The following PEPD variants were observed in gnomAD, a reference collection of about 807,000 sequenced individuals.
PEPD encodes peptidase D, also known as xaa-Pro dipeptidase.
Under a neutral mutation model 60.7 loss-of-function variants are expected in PEPD, and 53 were observed. The observed-to-expected ratio is 0.87, with a 90% CI of 0.70 to 1.10. PEPD has a LOEUF of 1.10. Ranked by LOEUF, PEPD falls within the 50% of genes least tolerant of loss-of-function variation. The probability of loss-of-function intolerance (pLI) is 0.00; values close to 1 mark genes in which losing one functional copy is unlikely to be tolerated. For missense variants in PEPD, 711 were observed against 711.9 expected (o/e 1.00, Z 0.01); for synonymous variants, 267 against 284.1 (o/e 0.94, Z 0.60).
chr19:33,455,369 GA>G (rs1389096266), intron 9 of PEPD, among the ~76,000 whole-genome samples: 1 of 151,986 alleles, frequency 6.6e-6, no homozygotes, highest in Admixed American at 6.6e-5. Flanking sequence ...GGGAGATGCT[GA>G]AAAGGCAGCT....
At chr19:33,493,440 GATC>G (rs1568500344) in intron 4 of PEPD, 103 bp from the exon 5 acceptor site, 1 of 872,388 alleles carries the variant, frequency 1.1e-6, no homozygotes, top group Non-Finnish European at 1.9e-6. Flanking sequence ...TTATCAAGCA[GATC>G]ATTAGAACAG....
At chr19:33,433,099 C>T (rs1969307031) in intron 9 of PEPD, among the ~76,000 whole-genome samples, 1 of 152,248 alleles carries the variant, frequency 6.6e-6, no homozygotes, top group Admixed American at 6.5e-5. Context: ...GAGCTACACA[C>T]CCATTTGCAT....
At chr19:33,466,408 T>A (rs930587242) in intron 7 of PEPD, among the ~76,000 whole-genome samples, 1 of 152,230 alleles carries the variant, frequency 6.6e-6, no homozygotes, top group Non-Finnish European at 1.5e-5. Context: ...ATAATTTGTG[T>A]CTGAATGCAG....
chr19:33,390,011 C>T (rs1266273369), intron 13 of PEPD, among the ~76,000 whole-genome samples: 4 of 152,256 alleles, frequency 2.6e-5, no homozygotes, highest in Admixed American at 6.5e-5. Context: ...GCCCTCACCG[C>T]GCCCATGCTC....
At chr19:33,472,327 C>T (rs1043358615) in intron 7 of PEPD, among the ~76,000 whole-genome samples, 1 of 152,176 alleles carries the variant, frequency 6.6e-6, no homozygotes, top group Admixed American at 6.5e-5. Context: ...GACCCTGTCT[C>T]TAAAAAGAGA....
chr19:33,457,089 A>C (rs1182184705), intron 9 of PEPD, among the ~76,000 whole-genome samples: 1 of 148,316 alleles, frequency 6.7e-6, no homozygotes, highest in Non-Finnish European at 1.5e-5. Context: ...CAGGCATCCG[A>C]GATACAGTTC....
intron 3 of PEPD, among the ~76,000 whole-genome samples, chr19:33,503,486 T>G (rs1970747574): frequency 6.6e-6 from 1 of 152,156 alleles, no homozygotes; most frequent in Admixed American, 6.5e-5. Context: ...GGGCACGAAT[T>G]GATGACGAGC....
intron 7 of PEPD, among the ~76,000 whole-genome samples, chr19:33,465,982 A>G (rs1970011982): frequency 6.6e-6 from 1 of 152,138 alleles, no homozygotes; most frequent in South Asian, 2.1e-4. Context: ...ACAAGCCAAT[A>G]AAGAGAAGGA....
At chr19:33,387,654 C>A in intron 14 of PEPD, 173 bp from the exon 15 acceptor site, 1 of 886,968 alleles carries the variant, frequency 1.1e-6, no homozygotes. Flanking sequence ...CACCTGCTCA[C>A]CCTGTCTTTG....
intron 4 of PEPD, among the ~76,000 whole-genome samples, chr19:33,496,812 A>T (rs567937539): frequency 6.6e-6 from 1 of 152,236 alleles, no homozygotes; most frequent in African/African-American, 2.4e-5. Flanking sequence ...CTGTGGGTGT[A>T]CATCCTCCCC....
At chr19:33,397,590 C>T (rs1049360169) in intron 12 of PEPD, among the ~76,000 whole-genome samples, 2 of 151,496 alleles carry the variant, frequency 1.3e-5, no homozygotes, top group African/African-American at 4.9e-5. Context: ...CCACACAGCT[C>T]AGTGTGGGTG....
intron 4 of PEPD, among the ~76,000 whole-genome samples, chr19:33,498,389 C>T (rs1970647980): frequency 6.6e-6 from 1 of 152,222 alleles, no homozygotes; most frequent in African/African-American, 2.4e-5. Flanking sequence ...CCTGCCCTAA[C>T]ACTCAAGGTG....
chr19:33,446,751 C>T (rs893329736), intron 9 of PEPD, among the ~76,000 whole-genome samples: 4 of 152,366 alleles, frequency 2.6e-5, no homozygotes, highest in South Asian at 2.1e-4. Flanking sequence ...ATCAGGACCC[C>T]GCACCGAGGG....
intron 9 of PEPD, among the ~76,000 whole-genome samples, chr19:33,462,725 T>C (rs1025585421): frequency 6.6e-6 from 1 of 152,166 alleles, no homozygotes; most frequent in Non-Finnish European, 1.5e-5. Context: ...TTCCTGCAAA[T>C]GGCAGAAACA....
intron 9 of PEPD, among the ~76,000 whole-genome samples, chr19:33,420,726 T>TA (rs1037037963): frequency 2.7e-5 from 4 of 149,206 alleles, no homozygotes. Flanking sequence ...AATAAATAAA[T>TA]AAAAATGATT....
chr19:33,453,101 C>T (rs900351064), intron 9 of PEPD, among the ~76,000 whole-genome samples: 12 of 152,056 alleles, frequency 7.9e-5, no homozygotes, highest in Non-Finnish European at 1.6e-4. Context: ...GCAGGAGGAT[C>T]GCTTGAGTCC....
chr19:33,520,070 A>C (rs1270985866), intron 1 of PEPD, among the ~76,000 whole-genome samples: 1 of 151,918 alleles, frequency 6.6e-6, no homozygotes, highest in Non-Finnish European at 1.5e-5. Flanking sequence ...GTCTCAAAAA[A>C]AAAAAAAGAA....
At chr19:33,421,007 C>T (rs1969005045) in intron 9 of PEPD, among the ~76,000 whole-genome samples, 1 of 152,164 alleles carries the variant, frequency 6.6e-6, no homozygotes, top group Non-Finnish European at 1.5e-5. Flanking sequence ...GTTTGTGGAC[C>T]CGTCTAGGTG....
At chr19:33,413,520 C>T in intron 10 of PEPD, 55 bp downstream of exon 10, 1 of 991,410 alleles carries the variant, frequency 1.0e-6, no homozygotes, top group Non-Finnish European at 1.6e-6. Context: ...CACTCACTAA[C>T]TGCCCTACCT....
Sources: allele counts gnomAD v4.1 joint callset (sites outside exome capture counted in the v4.1 genomes callset), GRCh38; gene constraint gnomAD v4.1.1; transcripts MANE v1.5; gene names NCBI Gene and HGNC (gene_info 2026-07-23, HGNC 2026-07-21).